Variants in PTPRN2 observed in about 807,000 individuals in gnomAD.
The protein encoded by PTPRN2 is protein tyrosine phosphatase receptor type N2.
A neutral mutation model predicts 118.8 loss-of-function variants in PTPRN2; 74 were observed. The ratio of observed to expected loss-of-function variants is 0.62; its 90% CI spans 0.52 to 0.76. The LOEUF (loss-of-function observed/expected upper bound fraction) is 0.76. PTPRN2 is among the 30% of genes least tolerant of loss of function. The pLI is 0.00. For missense variants in PTPRN2, 1,481 were observed against 1,394.4 expected, an observed-to-expected ratio of 1.06 and a Z score of -0.99; for synonymous variants, 641 against 608.0, an observed-to-expected ratio of 1.05 and a Z score of -0.80.
At chr7:158,535,552 C>T (rs1010795266) in intron 1 of PTPRN2, among the ~76,000 whole-genome samples, 12 of 152,032 alleles carry the variant, frequency 7.9e-5, no homozygotes, top group Non-Finnish European at 1.2e-4. Context: ...ACCTGGGGAG[C>T]GGCTGGGGCT....
At chr7:158,558,396 T>C (rs924437367) in intron 1 of PTPRN2, among the ~76,000 whole-genome samples, 2 of 152,194 alleles carry the variant, frequency 1.3e-5, no homozygotes, top group African/African-American at 2.4e-5. Flanking sequence ...CATGTTCTCT[T>C]CTTTAGATCC....
chr7:158,358,905 A>G (rs1414089829), intron 2 of PTPRN2, among the ~76,000 whole-genome samples: 1 of 152,238 alleles, frequency 6.6e-6, no homozygotes, highest in Admixed American at 6.5e-5. Flanking sequence ...CCACTGAACT[A>G]TATCCCTAAA....
intron 12 of PTPRN2, among the ~76,000 whole-genome samples, chr7:157,778,111 G>C (rs541218566): frequency 1.3e-4 from 20 of 152,276 alleles, no homozygotes; most frequent in African/African-American, 4.6e-4. Context: ...GGTGACACCA[G>C]AGCTCCAAGA....
At chr7:157,936,224 G>C (rs1799689049) in intron 11 of PTPRN2, among the ~76,000 whole-genome samples, 2 of 152,234 alleles carry the variant, frequency 1.3e-5, no homozygotes, top group South Asian at 4.1e-4. Context: ...GCCACTGGAG[G>C]TCTGAATTGA....
chr7:158,069,548 C>T (rs1016627200), intron 11 of PTPRN2, among the ~76,000 whole-genome samples: 11 of 150,948 alleles, frequency 7.3e-5, no homozygotes, highest in African/African-American at 1.5e-4. Flanking sequence ...TCGGCCGCCA[C>T]GCCCCACCTC....
intron 2 of PTPRN2, among the ~76,000 whole-genome samples, chr7:158,476,987 G>A (rs748307622): frequency 3.9e-5 from 6 of 152,154 alleles, no homozygotes; most frequent in African/African-American, 9.7e-5. Flanking sequence ...TCAATATCAC[G>A]TCACTTTTTC....
chr7:158,189,258 C>T (rs553665908), intron 5 of PTPRN2, among the ~76,000 whole-genome samples: 33 of 152,242 alleles, frequency 2.2e-4, no homozygotes, highest in Non-Finnish European at 4.1e-4. Flanking sequence ...ACCCTCGAGG[C>T]GAATCCATGC....
intron 4 of PTPRN2, among the ~76,000 whole-genome samples, chr7:158,194,095 CA>C (rs150131140): frequency 0.043 from 6,580 of 151,880 alleles, 469 homozygotes; most frequent in African/African-American, 0.15. Context: ...TCAACAACAA[CA>C]AAAAAAGTGT....
At chr7:158,152,431 G>A (rs572909359) in intron 6 of PTPRN2, among the ~76,000 whole-genome samples, 499 of 152,302 alleles carry the variant, frequency 3.3e-3, no homozygotes, top group African/African-American at 0.011. Context: ...GCTGCCTGGC[G>A]TGTTGGGTTG....
intron 1 of PTPRN2, among the ~76,000 whole-genome samples, chr7:158,522,507 T>C (rs1256007858): frequency 3.3e-5 from 5 of 151,590 alleles, no homozygotes; most frequent in Admixed American, 2.0e-4. Context: ...AAGGTCCACG[T>C]CAGAATGGAC....
At chr7:157,963,652 A>G (rs921109227) in intron 11 of PTPRN2, among the ~76,000 whole-genome samples, 5 of 152,196 alleles carry the variant, frequency 3.3e-5, no homozygotes, top group African/African-American at 1.2e-4. Context: ...GGCCTGGGAG[A>G]GAAGTCTGCA....
chr7:157,709,889 C>G (rs1157398131), intron 12 of PTPRN2, among the ~76,000 whole-genome samples: 3 of 152,210 alleles, frequency 2.0e-5, no homozygotes, highest in Non-Finnish European at 2.9e-5. Context: ...AGACAAGGCT[C>G]TGGCAGGGAT....
chr7:158,158,655 A>G (rs112322868), intron 6 of PTPRN2, among the ~76,000 whole-genome samples: 1 of 84,816 alleles, frequency 1.2e-5, no homozygotes, highest in South Asian at 4.0e-4. Context: ...GGACTTCGCA[A>G]GTGCTTTCTG....
intron 2 of PTPRN2, among the ~76,000 whole-genome samples, chr7:158,465,546 T>G (rs1378286183): frequency 6.6e-6 from 1 of 152,220 alleles, no homozygotes; most frequent in African/African-American, 2.4e-5. Context: ...TTATTTGCAG[T>G]ATCACATTAA....
intron 12 of PTPRN2, among the ~76,000 whole-genome samples, chr7:157,872,117 CCA>C (rs1448762029): frequency 7.3e-6 from 1 of 136,500 alleles, no homozygotes; most frequent in Non-Finnish European, 1.6e-5. Context: ...CAGCGCCTCC[CCA>C]CACACACCCA....
At chr7:158,219,588 T>C (rs1585883598) in intron 3 of PTPRN2, among the ~76,000 whole-genome samples, 1 of 151,698 alleles carries the variant, frequency 6.6e-6, no homozygotes, top group East Asian at 1.9e-4. Flanking sequence ...CTGAATGAAA[T>C]TGGGACACAA....
At chr7:157,841,950 C>G (rs1397106059) in intron 12 of PTPRN2, among the ~76,000 whole-genome samples, 1 of 152,086 alleles carries the variant, frequency 6.6e-6, no homozygotes, top group African/African-American at 2.4e-5. Flanking sequence ...TTCTCTCCCC[C>G]ATAATGCAAA....
chr7:158,209,957 CA>C (rs1316055978), intron 3 of PTPRN2, among the ~76,000 whole-genome samples: 1 of 151,970 alleles, frequency 6.6e-6, no homozygotes. Flanking sequence ...ACCAGTGGGT[CA>C]ATGAGGAAAT....
intron 2 of PTPRN2, among the ~76,000 whole-genome samples, chr7:158,327,377 T>C (rs117239288): frequency 9.1e-5 from 6 of 66,246 alleles, no homozygotes; most frequent in African/African-American, 1.6e-4. Flanking sequence ...ACACACACAT[T>C]ATCACATGCA....
Sources: allele counts gnomAD v4.1 joint callset (sites outside exome capture counted in the v4.1 genomes callset), GRCh38; gene constraint gnomAD v4.1.1; transcripts MANE v1.5; gene names NCBI Gene and HGNC (gene_info 2026-07-23, HGNC 2026-07-21).